The following KCNQ3 variants were observed in gnomAD, a reference collection of about 807,000 sequenced individuals.
KCNQ3 encodes potassium voltage-gated channel subfamily Q member 3.
In KCNQ3, 30 loss-of-function variants were observed where a neutral mutation model predicts 92.5. The observed-to-expected ratio is 0.32, with a 90% CI of 0.24 to 0.44. The LOEUF (loss-of-function observed/expected upper bound fraction) is 0.44, where lower values mean the gene tolerates loss of function less well. Ranked by LOEUF, KCNQ3 falls within the 20% of genes least tolerant of loss-of-function variation. KCNQ3 has a pLI of 1.00. For missense variants in KCNQ3, 913 were observed against 1,140.3 expected (o/e 0.80, Z 2.87); for synonymous variants, 450 against 468.8 (o/e 0.96, Z 0.52).
chr8:132,384,903 C>A (rs1363555875), intron 1 of KCNQ3, among the ~76,000 whole-genome samples: 1 of 152,210 alleles, frequency 6.6e-6, no homozygotes, highest in Admixed American at 6.5e-5. Context: ...GGATAATCCA[C>A]ATGCAATGCT....
chr8:132,225,238 A>G (rs999014297), intron 1 of KCNQ3, among the ~76,000 whole-genome samples: 1 of 152,230 alleles, frequency 6.6e-6, no homozygotes, highest in African/African-American at 2.4e-5. Context: ...GATAAGACCA[A>G]TACAAAAGTA....
At position 132,331,231 on chromosome 8, in the gene KCNQ3, T is replaced by G. The variant is rs532210116; in HGVS notation, c.387-145050A>C. Among the ~76,000 whole-genome samples, 13 of 152,300 alleles carry G rather than the reference T, an allele frequency of 8.5e-5. No homozygotes were observed. The East Asian group carries it at 2.5e-3, about 29-fold the overall frequency. ...CAGATGAGGAATTTGAAAGTCTAGG[T>G]GGAGAGTTTCCCAAAGTCACAGAGC... is the stretch of plus-strand genomic sequence containing the variant. On this transcript the variant is annotated intron_variant, in intron 1 of 14. Coordinates refer to ENST00000388996, the MANE Select transcript of KCNQ3 (RefSeq NM_004519.4).
rs1190274094 is a variant in KCNQ3, at chr8:132,324,212, G to A, written c.387-138031C>T. Among the ~76,000 whole-genome samples, 8 of 152,056 alleles carry A rather than the reference G, an allele frequency of 5.3e-5. No individual in the cohort carries two copies. In the East Asian group the frequency reaches 1.5e-3, roughly 29 times the overall value. On this transcript the variant is annotated intron_variant, in intron 1 of 14. Coordinates refer to ENST00000388996, the MANE Select transcript of KCNQ3 (RefSeq NM_004519.4). ...CCCTGATGTCCTGTCCCGTCAGCAT[G>A]GTCAGTTCACCTATTCTCCTCCTTT...
intron 1 of KCNQ3, among the ~76,000 whole-genome samples, chr8:132,353,558 T>A (rs1405016280): frequency 1.3e-5 from 2 of 152,262 alleles, no homozygotes; most frequent in East Asian, 3.9e-4. Flanking sequence ...TTCAAAAATG[T>A]TGGTTTTTTC....
chr8:132,377,700 C>G (rs1324443692), intron 1 of KCNQ3, among the ~76,000 whole-genome samples: 1 of 152,166 alleles, frequency 6.6e-6, no homozygotes, highest in Non-Finnish European at 1.5e-5. Flanking sequence ...ATAGTGGGTG[C>G]TTGATAAATA....
chr8:132,450,140 T>TGCCACTGCTGGCTGGGGTG (rs1177157504), intron 1 of KCNQ3, among the ~76,000 whole-genome samples: 16 of 152,162 alleles, frequency 1.1e-4, no homozygotes, highest in African/African-American at 2.2e-4. Flanking sequence ...CCGAGTGGGT[T>TGCCACTGCTGGCTGGGGTG]GCCACTGCTG....
chr8:132,202,367 T>G (rs1827489897), intron 1 of KCNQ3, among the ~76,000 whole-genome samples: 1 of 152,228 alleles, frequency 6.6e-6, no homozygotes, highest in African/African-American at 2.4e-5. Context: ...ATCACACCTT[T>G]GGTATTCTCT....
chr8:132,372,775 A>AAAC (rs1370382824), intron 1 of KCNQ3, among the ~76,000 whole-genome samples: 9 of 149,854 alleles, frequency 6.0e-5, no homozygotes, highest in African/African-American at 2.0e-4. Context: ...AAAAAAAACA[A>AAAC]AAAAAAAAAC....
chr8:132,133,425 G>A (rs552270684), intron 13 of KCNQ3, among the ~76,000 whole-genome samples: 26 of 133,194 alleles, frequency 2.0e-4, no homozygotes, highest in Non-Finnish European at 2.3e-4. Flanking sequence ...GCATGATCTC[G>A]GCTCACTGCA....
rs1563795729 is a variant in KCNQ3, at chr8:132,187,831, ATTGTGGTGGTGGTG to A, written c.387-1664_387-1651del. Reference sequence around the variant, plus strand: ...GATGGTGGTGGTGGTGGTGGTGGTGATTGTGGTGGTGGTGGTGGTAGTGATGGTGGTGGTGGTGG... The same window carrying A: ...GATGGTGGTGGTGGTGGTGGTGGTGAGTGGTAGTGATGGTGGTGGTGGTGG... On this transcript the variant is annotated intron_variant, in intron 1 of 14. Transcript: ENST00000388996. Among the ~76,000 whole-genome samples the A allele has an allele frequency of 1.8e-3, 150 of 85,682 alleles. 2 individuals are homozygous for A. The highest frequency in any genetic ancestry group is 8.0e-3 in the African/African-American group (141 of 17,564). The allele number at this position is 85,682 out of a possible 152,430, so 56.2% of individuals were successfully genotyped here. A position where few individuals can be genotyped will look rare whatever the true frequency, so the allele number is the denominator to read the frequency against.
intron 1 of KCNQ3, among the ~76,000 whole-genome samples, chr8:132,200,521 GAA>G (rs35534751): frequency 6.6e-6 from 1 of 151,714 alleles, no homozygotes; most frequent in African/African-American, 2.4e-5. Flanking sequence ...ATATTGTACA[GAA>G]AAAAAATATT....
chr8:132,328,254 C>T (rs1289594419), intron 1 of KCNQ3, among the ~76,000 whole-genome samples: 3 of 152,148 alleles, frequency 2.0e-5, no homozygotes, highest in Non-Finnish European at 4.4e-5. Flanking sequence ...CACACCTCAC[C>T]CCACTCAGTC....
chr8:132,250,254 A>C (rs1815359555), intron 1 of KCNQ3, among the ~76,000 whole-genome samples: 1 of 152,158 alleles, frequency 6.6e-6, no homozygotes, highest in Admixed American at 6.5e-5. Context: ...TCTGACAGAG[A>C]ATGGAGACTA....
At chr8:132,243,361 T>C (rs148473206) in intron 1 of KCNQ3, among the ~76,000 whole-genome samples, 197 of 152,304 alleles carry the variant, frequency 1.3e-3, no homozygotes, top group Middle Eastern at 6.8e-3. Flanking sequence ...GGTGGAATTA[T>C]GCCCAATGCT....
intron 1 of KCNQ3, among the ~76,000 whole-genome samples, chr8:132,359,521 T>A (rs1819108548): frequency 6.6e-6 from 1 of 152,104 alleles, no homozygotes; most frequent in Non-Finnish European, 1.5e-5. Context: ...CATGTTACGA[T>A]GCCTCTTGGA....
At chr8:132,187,241 A>G (rs1473489952) in intron 1 of KCNQ3, 2 of 455,928 alleles carry the variant, frequency 4.4e-6, no homozygotes, top group Non-Finnish European at 8.8e-6. Flanking sequence ...CAATATTTAA[A>G]TGGCAGACGT....
chr8:132,237,927 A>T (rs566045847), intron 1 of KCNQ3, among the ~76,000 whole-genome samples: 1 of 152,318 alleles, frequency 6.6e-6, no homozygotes, highest in East Asian at 1.9e-4. Flanking sequence ...CATCTCGGAC[A>T]AATACTACCA....
chr8:132,205,049 C>T (rs762620282), intron 1 of KCNQ3, among the ~76,000 whole-genome samples: 1 of 152,132 alleles, frequency 6.6e-6, no homozygotes, highest in Non-Finnish European at 1.5e-5. Flanking sequence ...ACAAAAATGC[C>T]TGAGCTTCAT....
At chr8:132,223,959 A>G (rs976995770) in intron 1 of KCNQ3, among the ~76,000 whole-genome samples, 1 of 152,208 alleles carries the variant, frequency 6.6e-6, no homozygotes, top group Admixed American at 6.5e-5. Flanking sequence ...TCTTCTGCCC[A>G]GGCTATAGTG....
Sources: gnomAD v4.1 joint callset for allele counts (sites outside exome capture counted in the v4.1 genomes callset) on GRCh38, gnomAD v4.1.1 for gene constraint, MANE v1.5 for transcripts, NCBI Gene and HGNC (gene_info 2026-07-23, HGNC 2026-07-21) for gene names.